Variants in ALDH1A2 observed in about 807,000 individuals in gnomAD.
ALDH1A2 encodes aldehyde dehydrogenase 1 family member A2, also known as retinal dehydrogenase 2.
In ALDH1A2, 27 loss-of-function variants were observed where a neutral mutation model predicts 60.3. The observed-to-expected ratio is 0.45, with a 90% CI of 0.33 to 0.62. ALDH1A2 has a LOEUF of 0.62. Among genes scored for constraint, ALDH1A2 ranks in the 20% least tolerant of loss-of-function variants. The pLI is 0.02. For synonymous variants in ALDH1A2, 289 were observed against 232.4 expected, an observed-to-expected ratio of 1.24 and a Z score of -2.21; for missense variants, 581 against 643.8, an observed-to-expected ratio of 0.90 and a Z score of 1.06.
chr15:58,052,914 T>G (rs368457251), intron 1 of ALDH1A2, among the ~76,000 whole-genome samples: 22 of 152,296 alleles, frequency 1.4e-4, no homozygotes, highest in African/African-American at 4.6e-4. Flanking sequence ...TGAAAGAAAT[T>G]TGTTTCAAAA....
chr15:57,955,332 CGGGAG>C, intron 12 of ALDH1A2, 63 bp from the exon 13 acceptor site: 1 of 1,563,776 alleles, frequency 6.4e-7, no homozygotes, highest in South Asian at 1.1e-5. Context: ...GTGAGTGCAG[CGGGAG>C]TCCTGGGGAG....
chr15:58,014,650 G>A (rs992974730), intron 1 of ALDH1A2: 1 of 415,542 alleles, frequency 2.4e-6, no homozygotes, highest in African/African-American at 2.1e-5. Flanking sequence ...CAAACTTACA[G>A]TCATCAAGCC....
At chr15:58,033,841 T>G (rs1454453989) in intron 1 of ALDH1A2, among the ~76,000 whole-genome samples, 1 of 116,376 alleles carries the variant, frequency 8.6e-6, no homozygotes, top group Non-Finnish European at 2.0e-5. Context: ...ATTTCACTTA[T>G]TTTTCTGTAT....
At chr15:58,064,603 G>A (rs1017711911) in intron 1 of ALDH1A2, among the ~76,000 whole-genome samples, 8 of 152,116 alleles carry the variant, frequency 5.3e-5, no homozygotes, top group African/African-American at 9.7e-5. Context: ...GTACCGAAAG[G>A]ACTAGAAAAT....
In ALDH1A2 at chr15:58,010,547, C is replaced by A; in HGVS notation, c.493+102G>T. On this transcript the variant is annotated intron_variant, in intron 4 of 12. Transcript: ENST00000249750. ...CTCAGTTCTAACTGCTGTAAGTGTGCTCATATCTGTATTCTGTGTGACTGC... is the reference window on the plus strand; with the variant it reads ...CTCAGTTCTAACTGCTGTAAGTGTGATCATATCTGTATTCTGTGTGACTGC... 4.7e-6 allele frequency: 7 copies of A among 1,486,310 alleles called. No individual in the cohort carries two copies. The South Asian group carries it at 7.3e-5, about 15-fold the overall frequency. 92.1% of individuals were successfully genotyped at this position (1,486,310 alleles called of 1,614,324 possible).
intron 1 of ALDH1A2, among the ~76,000 whole-genome samples, chr15:58,027,847 GAA>G (rs1167391816): frequency 6.6e-6 from 1 of 151,968 alleles, no homozygotes; most frequent in East Asian, 1.9e-4. Context: ...TAAGATTAGA[GAA>G]AAAAGAGTGA....
chr15:57,972,862 A>G (rs1247626429), intron 7 of ALDH1A2, among the ~76,000 whole-genome samples: 3 of 152,162 alleles, frequency 2.0e-5, no homozygotes, highest in African/African-American at 7.2e-5. Context: ...TTTATAGCTA[A>G]AACTGTAGCA....
rs145255383 is a variant in ALDH1A2 at position 58,049,302 on chromosome 15, T to C, written c.117+16232A>G. The stretch of plus-strand genomic sequence containing the variant: ...GGTCATATTCCTACGTGTACAAAGA[T>C]TGCTAGATGGTGTGACTTAGATGTG... On this transcript the variant is annotated intron_variant, in intron 1 of 12. Transcript: ENST00000249750. 1.7e-3 allele frequency among the ~76,000 whole-genome samples: 260 copies of C among 152,174 alleles called. 1 individual carries two copies. Among genetic ancestry groups the C allele is most frequent in the African/African-American group, 6.1e-3 (255 of 41,538 alleles).
intron 7 of ALDH1A2, among the ~76,000 whole-genome samples, chr15:57,979,363 A>G (rs139021574): frequency 1.3e-3 from 201 of 152,336 alleles, no homozygotes; most frequent in African/African-American, 4.7e-3. Flanking sequence ...TCGGCTGACA[A>G]AAGTGGGAAG....
At chr15:58,013,397 C>T (rs1341632137) in intron 3 of ALDH1A2, among the ~76,000 whole-genome samples, 3 of 152,278 alleles carry the variant, frequency 2.0e-5, no homozygotes, top group Admixed American at 6.5e-5. Flanking sequence ...CCAGTTTTCT[C>T]TTCAAAATTC....
chr15:57,984,319 C>T (rs1169327621), intron 7 of ALDH1A2, among the ~76,000 whole-genome samples: 5 of 152,044 alleles, frequency 3.3e-5, no homozygotes, highest in Admixed American at 3.3e-4. Context: ...TATTAATATC[C>T]AAAATGTAAA....
chr15:58,019,477 T>C (rs1256738089), intron 1 of ALDH1A2, among the ~76,000 whole-genome samples: 5 of 152,196 alleles, frequency 3.3e-5, no homozygotes, highest in African/African-American at 9.6e-5. Context: ...AAGTAGAAAG[T>C]GTATCTGACC....
At chr15:58,006,705 CT>C (rs57137492) in intron 4 of ALDH1A2, among the ~76,000 whole-genome samples, 52 of 138,720 alleles carry the variant, frequency 3.7e-4, no homozygotes, top group African/African-American at 1.1e-3. Context: ...AAATTATGGA[CT>C]TTTTTTTTTT....
chr15:58,003,864 G>C (rs1264104252), intron 4 of ALDH1A2, among the ~76,000 whole-genome samples: 7 of 151,914 alleles, frequency 4.6e-5, no homozygotes, highest in African/African-American at 1.4e-4. Context: ...TCATAATTAG[G>C]CACTGCCATC....
intron 1 of ALDH1A2, among the ~76,000 whole-genome samples, chr15:58,034,364 CT>C (rs1258836418): frequency 6.6e-6 from 1 of 151,280 alleles, no homozygotes; most frequent in Non-Finnish European, 1.5e-5. Context: ...ATGTTTTTTT[CT>C]TTTTTGGAGG....
At chr15:58,021,291 T>C (rs908026309) in intron 1 of ALDH1A2, among the ~76,000 whole-genome samples, 15 of 152,292 alleles carry the variant, frequency 9.8e-5, no homozygotes, top group Admixed American at 6.5e-4. Context: ...CAGAACAGTA[T>C]ATAGACAGTC....
chr15:58,051,113 G>A (rs1385665021), intron 1 of ALDH1A2, among the ~76,000 whole-genome samples: 1 of 152,066 alleles, frequency 6.6e-6, no homozygotes, highest in African/African-American at 2.4e-5. Context: ...GAAAAGGTTT[G>A]CACTTGACTC....
At chr15:58,044,019 A>G (rs1003957048) in intron 1 of ALDH1A2, among the ~76,000 whole-genome samples, 2 of 152,078 alleles carry the variant, frequency 1.3e-5, no homozygotes, top group Middle Eastern at 3.4e-3. Context: ...AGAATAAAGA[A>G]CGAACCCCCC....
intron 1 of ALDH1A2, among the ~76,000 whole-genome samples, chr15:58,056,259 A>G (rs1301075932): frequency 2.0e-5 from 3 of 152,114 alleles, no homozygotes; most frequent in African/African-American, 7.2e-5. Context: ...ACCATCAATC[A>G]AAGTAGTTTC....
Sources: gnomAD v4.1 joint callset for allele counts (sites outside exome capture counted in the v4.1 genomes callset) on GRCh38, gnomAD v4.1.1 for gene constraint, MANE v1.5 for transcripts, NCBI Gene and HGNC (gene_info 2026-07-23, HGNC 2026-07-21) for gene names.